The following PRR4 variants were observed in gnomAD, a reference collection of about 807,000 sequenced individuals.
PRR4 encodes the protein proline-rich protein 4.
Under a neutral mutation model 7.6 loss-of-function variants are expected in PRR4, and 7 were observed. The ratio of observed to expected loss-of-function variants is 0.92; its 90% CI spans 0.52 to 1.73. The LOEUF (loss-of-function observed/expected upper bound fraction) is 1.73. Among genes scored for constraint, PRR4 ranks in the 40% most tolerant of loss-of-function variants. The pLI, the probability that PRR4 is intolerant of heterozygous loss-of-function variation, is 0.00. For missense variants in PRR4, 187 were observed against 161.0 expected (o/e 1.16, Z -0.87); for synonymous variants, 64 against 58.5 (o/e 1.09, Z -0.43).
chr12:10,849,124 C>A, intron 1 of PRR4: 1 of 193,290 alleles, frequency 5.2e-6, no homozygotes, highest in African/African-American at 2.3e-5. Flanking sequence ...TTTGTCATTC[C>A]TCTAATTGAA....
At chr12:10,848,760 C>T (rs1335312390) in intron 1 of PRR4, 1 of 231,168 alleles carries the variant, frequency 4.3e-6, no homozygotes, top group East Asian at 8.8e-5. Flanking sequence ...ACAAGCTTGC[C>T]CAAGAGGAGC....
At position 10,847,098 on chromosome 12, in the gene PRR4, G is replaced by T; in HGVS notation, c.370C>A (p.Pro124Thr). ...GGTTGCTCCTGGGGATGTCTTGCTGGTCTGTCCCTCTGGAAGAATGATGAT... is the reference window on the plus strand; with the variant it reads ...GGTTGCTCCTGGGGATGTCTTGCTGTTCTGTCCCTCTGGAAGAATGATGAT... ...EASSFFQRDR[P>T]ARHPQEQPLW The change falls in exon 3 of 4, where the codon CCA becomes ACA. Residue 124 changes from proline (P) to threonine (T), a missense_variant. Physicochemically the swap from Pro to Thr is conservative, Grantham distance 38. Transcript: ENST00000228811. 1 of 1,607,106 alleles carries T rather than the reference G, an allele frequency of 6.2e-7. No homozygotes were observed. The highest frequency in any genetic ancestry group is 1.7e-5 in the Admixed American group (1 of 59,698).
rs1202980011 is a variant in PRR4 at position 10,847,446 on chromosome 12, A to T, written c.101-79T>A. On this transcript the variant is annotated intron_variant, in intron 2 of 3. Transcript: ENST00000228811. ...CCTCTCTTTATACTTCTCTCACCTT[A>T]CCACACAGCCCTGTTCTCCCCAAAC... The T allele has an allele frequency of 6.1e-6, 7 of 1,138,690 alleles. No homozygotes were observed. The East Asian group carries it at 1.7e-4, about 28-fold the overall frequency. 70.5% of individuals were successfully genotyped at this position (1,138,690 alleles called of 1,614,324 possible). A position where few individuals can be genotyped will look rare whatever the true frequency, so the allele number is the denominator to read the frequency against.
intron 1 of PRR4, 187 bp downstream of exon 1, chr12:10,849,187 G>A: frequency 3.1e-6 from 1 of 318,834 alleles, no homozygotes; most frequent in South Asian, 9.2e-5. Context: ...GCCTTGGCAT[G>A]GAATGAGGGC....
chr12:10,847,532 C>G (rs1247376620), intron 2 of PRR4, among the ~76,000 whole-genome samples, 165 bp from the exon 3 acceptor site: 3 of 150,116 alleles, frequency 2.0e-5, no homozygotes, highest in Admixed American at 1.3e-4. Context: ...TTATGCAGCT[C>G]TCAACTTAAT....
intron 3 of PRR4, 60 bp downstream of exon 3, chr12:10,846,985 G>A (rs1949025878): frequency 2.0e-5 from 27 of 1,373,120 alleles, no homozygotes; most frequent in Non-Finnish European, 2.4e-5. Flanking sequence ...TTGTGAACAC[G>A]ATAAAGTTTG....
chr12:10,848,486 GTCTT>G (rs767066868), intron 1 of PRR4, 79 bp from the exon 2 acceptor site: 199 of 1,390,220 alleles, frequency 1.4e-4, no homozygotes, highest in Non-Finnish European at 1.9e-4. Flanking sequence ...AGGGAAAGGG[GTCTT>G]CTGGCCACAC....
rs766900032 is a variant in PRR4 at position 10,847,068 on chromosome 12, A to T, written c.400T>A (p.Trp134Arg). ...ACCTGCCACTGAATTCTAGATTACC[A>T]GAGTGGTTGCTCCTGGGGATGTCTT... Reference protein sequence around the residue: ...PARHPQEQPLW With the variant: ...PARHPQEQPLR The change falls in exon 3 of 4, where the codon TGG becomes AGG. Residue 134 changes from tryptophan to arginine, a missense_variant. By Grantham distance (101) the Trp-to-Arg change is moderately radical. Coordinates refer to ENST00000228811, the MANE Select transcript of PRR4 (RefSeq NM_007244.3). 8 of 1,578,308 alleles carry T rather than the reference A, an allele frequency of 5.1e-6. No homozygotes were observed. The highest frequency in any genetic ancestry group is 1.3e-5 in the African/African-American group (1 of 74,380).
Position 10,846,927 on chromosome 12 carries a change from T to C in PRR4, c.*18+118A>G, listed in dbSNP as rs1949025282. 4.3e-6 allele frequency: 4 copies of C among 927,006 alleles called. No individual in the cohort carries two copies. In the Admixed American group the frequency reaches 9.4e-5, roughly 22 times the overall value. The allele number at this position is 927,006 out of a possible 1,614,324, so 57.4% of individuals were successfully genotyped here. On this transcript the variant is annotated intron_variant, in intron 3 of 3. Coordinates refer to ENST00000228811, the MANE Select transcript of PRR4 (RefSeq NM_007244.3). ...CCAAGAATATCTGAATACAAATCTTTAGAAATGGGGTCCAGGATTATGTAA... is the reference window on the plus strand; with the variant it reads ...CCAAGAATATCTGAATACAAATCTTCAGAAATGGGGTCCAGGATTATGTAA...
rs1379638664 is a variant in PRR4, at chr12:10,845,896, C to T, written c.*73G>A. 6.3e-6 allele frequency: 8 copies of T among 1,276,228 alleles called. No individual in the cohort carries two copies. In the African/African-American group the frequency reaches 7.6e-5, roughly 12 times the overall value. 79.1% of individuals were successfully genotyped at this position (1,276,228 alleles called of 1,614,324 possible). ...TGGTATACTGAAGAAAGAGTTATGA[C>T]CACATTATTTCAATGTCATGGCTTT... On this transcript the variant is annotated 3_prime_UTR_variant, in exon 4 of 4. Coordinates refer to ENST00000228811, the MANE Select transcript of PRR4 (RefSeq NM_007244.3).
chr12:10,848,080 G>C (rs1949045200), intron 2 of PRR4, among the ~76,000 whole-genome samples: 1 of 152,150 alleles, frequency 6.6e-6, no homozygotes, highest in South Asian at 2.1e-4. Context: ...CTTCTCATTT[G>C]TTCATCATCT....
At chr12:10,848,935 T>G (rs189940997) in intron 1 of PRR4, 239 of 156,532 alleles carry the variant, frequency 1.5e-3, no homozygotes, top group Non-Finnish European at 2.6e-3. Context: ...CTGACAGTAC[T>G]CTGATGTTTG....
At chr12:10,848,523 T>G in intron 1 of PRR4, 116 bp from the exon 2 acceptor site, 1 of 888,070 alleles carries the variant, frequency 1.1e-6, no homozygotes, top group Non-Finnish European at 1.7e-6. Context: ...CTAAGTTACC[T>G]CATCAACCAT....
chr12:10,848,676 C>T (rs1949055931), intron 1 of PRR4: 2 of 382,890 alleles, frequency 5.2e-6, no homozygotes, highest in East Asian at 7.8e-5. Flanking sequence ...AATTTAGGCA[C>T]ACTTCTCTGG....
Position 10,847,206 on chromosome 12 carries a change from AAGG to A in PRR4, c.259_261del (p.Pro87del), listed in dbSNP as rs778549525. ...CGGGGTGGTCGTTGCTGATTTTGAA[AAGG>A]AGGTGGGGGAGGATGGCGGTGATGG... On this transcript the variant is annotated inframe_deletion, in exon 3 of 4. Transcript: ENST00000228811. 1.8e-5 allele frequency: 29 copies of A among 1,613,502 alleles called. No individual in the cohort carries two copies. The African/African-American group carries it at 3.7e-4, about 21-fold the overall frequency.
At position 10,848,396 on chromosome 12, in the gene PRR4, C is replaced by G. The variant is rs757288020; in HGVS notation, c.76G>C (p.Glu26Gln). Residue 26 changes from glutamate (E) to glutamine (Q), a missense_variant, in exon 2 of 4, where the codon GAA becomes CAA. Physicochemically the swap from Glu to Gln is conservative, Grantham distance 29 (BLOSUM62 2). Coordinates refer to ENST00000228811, the MANE Select transcript of PRR4 (RefSeq NM_007244.3). ...CCTGGTATGGTGAAAGTAAAGTCTT[C>G]ATAGTTCACATCTAGGAAAAGAAGC... ...AQSTDNDVNYEDFTFTIPDVE... is the reference protein window; with the variant it reads ...AQSTDNDVNYQDFTFTIPDVE... 1.2e-6 allele frequency: 2 copies of G among 1,611,084 alleles called. No homozygotes were observed. The highest frequency in any genetic ancestry group is 1.7e-6 in the Non-Finnish European group (2 of 1,177,476).
chr12:10,847,001 G>T, intron 3 of PRR4, 44 bp downstream of exon 3: 1 of 1,445,414 alleles, frequency 6.9e-7, no homozygotes. Flanking sequence ...GTTTGGGAAT[G>T]GTAGCAGTTT....
rs1402511470 is a variant in PRR4, at chr12:10,845,876, T to C, written c.*93A>G. On this transcript the variant is annotated 3_prime_UTR_variant, in exon 4 of 4. Transcript: ENST00000228811. ...GCATGCTATTAATATTTTATTGGTA[T>C]ACTGAAGAAAGAGTTATGACCACAT... 5 of 1,143,810 alleles carry C rather than the reference T, an allele frequency of 4.4e-6. No homozygotes were observed. The highest frequency in any genetic ancestry group is 3.4e-6 in the Non-Finnish European group (3 of 871,730). 70.9% of individuals were successfully genotyped at this position (1,143,810 alleles called of 1,614,324 possible).
In PRR4 at chr12:10,849,367, T is replaced by G. The variant is rs137863298; in HGVS notation, c.64+7A>C. ...CATCTCCTTTTTTAAAAAAATAATT[T>G]TTTTACCATTATCTGTGCTCTGAGC... On this transcript the variant is annotated splice_region_variant and intron_variant, in intron 1 of 3. Transcript: ENST00000228811. 343 of 1,583,342 alleles carry G rather than the reference T, an allele frequency of 2.2e-4. 1 individual carries two copies. The African/African-American group carries it at 4.0e-3, about 19-fold the overall frequency.
Sources: gnomAD v4.1 joint callset for allele counts (sites outside exome capture counted in the v4.1 genomes callset) on GRCh38, gnomAD v4.1.1 for gene constraint, MANE v1.5 for transcripts, NCBI Gene and HGNC (gene_info 2026-07-23, HGNC 2026-07-21) for gene names.